FBXL4: variants seen among roughly 807,000 people sequenced by gnomAD.
The protein encoded by FBXL4 is F-box/LRR-repeat protein 4.
FBXL4 carries 40 observed loss-of-function variants against 58.9 expected under a neutral mutation model. The ratio of observed to expected loss-of-function variants is 0.68; its 90% CI spans 0.53 to 0.88. The LOEUF (loss-of-function observed/expected upper bound fraction) is 0.88, where lower values mean the gene tolerates loss of function less well. FBXL4 is among the 40% of genes least tolerant of loss of function. The probability of loss-of-function intolerance (pLI) is 0.00; values close to 1 mark genes in which losing one functional copy is unlikely to be tolerated. For missense variants in FBXL4, 676 were observed against 734.4 expected (o/e 0.92, Z 0.92); for synonymous variants, 263 against 265.5 (o/e 0.99, Z 0.09).
intron 2 of FBXL4, among the ~76,000 whole-genome samples, chr6:98,931,557 G>C (rs1175815364): frequency 1.3e-5 from 2 of 152,122 alleles, no homozygotes; most frequent in Non-Finnish European, 2.9e-5. Context: ...GAAATGCAGA[G>C]TCTGATATAC....
chr6:98,887,810 C>A (rs1771093055), intron 7 of FBXL4, among the ~76,000 whole-genome samples: 1 of 152,028 alleles, frequency 6.6e-6, no homozygotes, highest in South Asian at 2.1e-4. Context: ...AACAAGAGGT[C>A]AAATAGAAAT....
intron 7 of FBXL4, among the ~76,000 whole-genome samples, chr6:98,891,620 C>T (rs1454581415): frequency 6.6e-6 from 1 of 151,126 alleles, no homozygotes; most frequent in Non-Finnish European, 1.5e-5. Context: ...GATGTGGTGG[C>T]TCATGCATAT....
chr6:98,907,350 C>T (rs1417837929), intron 5 of FBXL4, among the ~76,000 whole-genome samples: 1 of 152,140 alleles, frequency 6.6e-6, no homozygotes, highest in East Asian at 1.9e-4. Context: ...GGGCGTGCTA[C>T]TGGGAGCAAG....
Position 98,874,149 on chromosome 6 carries a change from A to G in FBXL4, c.*129T>C, listed in dbSNP as rs974157707. 53 of 656,672 alleles carry G rather than the reference A, an allele frequency of 8.1e-5. No individual in the cohort carries two copies. In the African/African-American group the frequency reaches 8.9e-4, roughly 11 times the overall value. The allele number at this position is 656,672 out of a possible 1,614,324, so 40.7% of individuals were successfully genotyped here. A position where few individuals can be genotyped will look rare whatever the true frequency, so the allele number is the denominator to read the frequency against. ...TTTACTTGATTTAATGGACAATTTCATATTTTTCTTTAAAATCTACAAATG... is the reference window on the plus strand; with the variant it reads ...TTTACTTGATTTAATGGACAATTTCGTATTTTTCTTTAAAATCTACAAATG... On this transcript the variant is annotated 3_prime_UTR_variant, in exon 10 of 10. Transcript: ENST00000369244.
intron 8 of FBXL4, among the ~76,000 whole-genome samples, chr6:98,876,912 GTTCT>G (rs1289801751): frequency 4.6e-5 from 7 of 152,142 alleles, no homozygotes; most frequent in Admixed American, 3.3e-4. Flanking sequence ...TCAATGGAGG[GTTCT>G]AAGCAAAGGA....
Position 98,932,863 on chromosome 6 carries a change from A to G in FBXL4, c.-191+1899T>C, listed in dbSNP as rs116177888. Among the ~76,000 whole-genome samples the G allele has an allele frequency of 9.0e-4, 137 of 152,090 alleles. 1 individual carries two copies. The highest frequency in any genetic ancestry group is 3.2e-3 in the African/African-American group (132 of 41,502). On this transcript the variant is annotated intron_variant, in intron 2 of 9. Transcript: ENST00000369244. Reference sequence around the variant, plus strand: ...TACATACAAGGCAAATTGTAACACAATATTTACTTGCAAAAGAGCCCACAG... The same window carrying G: ...TACATACAAGGCAAATTGTAACACAGTATTTACTTGCAAAAGAGCCCACAG...
chr6:98,920,368 ATTAT>A (rs148829474), intron 4 of FBXL4, among the ~76,000 whole-genome samples: 2,987 of 152,248 alleles, frequency 0.02, 41 homozygotes, highest in Non-Finnish European at 0.029. Flanking sequence ...TCGCATAAAG[ATTAT>A]TTAGTTACAT....
chr6:98,917,485 A>T lies in FBXL4; in HGVS notation c.747T>A (p.Asp249Glu), dbSNP rs138206466. 275 of 1,613,940 alleles carry T rather than the reference A, an allele frequency of 1.7e-4. No individual in the cohort carries two copies. The highest frequency in any genetic ancestry group is 2.2e-4 in the Non-Finnish European group (257 of 1,179,944). The part of the protein sequence containing the change: ...SLIDMNDIED[D>E]AYAEKDGCGM... ...CACAACCATCCTTTTCTGCATAGGC[A>T]TCATCTTCTATATCATTCATGTCAA... The change falls in exon 5 of 10, where the codon GAT becomes GAA. Residue 249 changes from aspartate (D) to glutamate (E), a missense_variant. Physicochemically the swap from Asp to Glu is conservative, Grantham distance 45. Transcript: ENST00000369244.
intron 7 of FBXL4, chr6:98,897,306 T>C (rs1397331103): frequency 2.0e-6 from 2 of 985,274 alleles, no homozygotes; most frequent in Non-Finnish European, 2.4e-6. Context: ...AGCAATTTTA[T>C]ACCCACACAA....
chr6:98,916,230 T>C (rs1772340026), intron 5 of FBXL4, among the ~76,000 whole-genome samples: 1 of 152,032 alleles, frequency 6.6e-6, no homozygotes, highest in Admixed American at 6.5e-5. Context: ...GACTGTAAAC[T>C]AGTTCAACCA....
intron 7 of FBXL4, among the ~76,000 whole-genome samples, chr6:98,894,742 C>T (rs981867578): frequency 1.3e-5 from 2 of 152,160 alleles, no homozygotes; most frequent in African/African-American, 4.8e-5. Context: ...ACTGACTCTG[C>T]ACATAGCTTA....
chr6:98,883,171 T>C (rs755716367), intron 7 of FBXL4, among the ~76,000 whole-genome samples: 1 of 152,036 alleles, frequency 6.6e-6, no homozygotes, highest in African/African-American at 2.4e-5. Flanking sequence ...TTAGTATGAT[T>C]ACTAGTGAGA....
intron 5 of FBXL4, among the ~76,000 whole-genome samples, chr6:98,910,100 A>G (rs895426069): frequency 1.3e-5 from 2 of 152,226 alleles, no homozygotes; most frequent in Non-Finnish European, 2.9e-5. Flanking sequence ...TTAAAATTTG[A>G]GTCTATAAAG....
intron 7 of FBXL4, among the ~76,000 whole-genome samples, chr6:98,886,890 G>A (rs1771057729): frequency 6.6e-6 from 1 of 152,070 alleles, no homozygotes; most frequent in Non-Finnish European, 1.5e-5. Context: ...CCCCAGACTG[G>A]GACAATAAGA....
intron 1 of FBXL4, among the ~76,000 whole-genome samples, chr6:98,941,665 T>A (rs890888966): frequency 6.6e-6 from 1 of 152,150 alleles, no homozygotes; most frequent in African/African-American, 2.4e-5. Flanking sequence ...CATCTTGCCT[T>A]AGGAAACTAC....
At chr6:98,911,312 C>G (rs1036470225) in intron 5 of FBXL4, among the ~76,000 whole-genome samples, 5 of 152,330 alleles carry the variant, frequency 3.3e-5, no homozygotes, top group East Asian at 3.9e-4. Flanking sequence ...TGTCTGACAC[C>G]TTTGAGGAGA....
At chr6:98,934,700 A>G (rs1230240473) in intron 2 of FBXL4, 62 bp downstream of exon 2, 1 of 152,198 alleles carries the variant, frequency 6.6e-6, no homozygotes, top group Non-Finnish European at 1.5e-5. Flanking sequence ...AAACATTTTT[A>G]TTATGACTGT....
chr6:98,915,684 G>A (rs938137466), intron 5 of FBXL4, among the ~76,000 whole-genome samples: 38 of 152,178 alleles, frequency 2.5e-4, no homozygotes, highest in African/African-American at 8.9e-4. Context: ...ATGGATTAAA[G>A]ACATAAACGT....
chr6:98,883,212 T>C (rs1770913733), intron 7 of FBXL4, among the ~76,000 whole-genome samples: 1 of 152,010 alleles, frequency 6.6e-6, no homozygotes, highest in African/African-American at 2.4e-5. Context: ...TCATTGGCCA[T>C]TCATATTTCC....
Sources: gnomAD v4.1 joint callset for allele counts (sites outside exome capture counted in the v4.1 genomes callset) on GRCh38, gnomAD v4.1.1 for gene constraint, MANE v1.5 for transcripts, NCBI Gene and HGNC (gene_info 2026-07-23, HGNC 2026-07-21) for gene names.